RP1: variants seen among roughly 807,000 people sequenced by gnomAD.
The protein encoded by RP1 is oxygen-regulated protein 1.
A neutral mutation model predicts 14.8 loss-of-function variants in RP1; 16 were observed. The observed-to-expected ratio is 1.08, with a 90% CI of 0.73 to 1.65. The LOEUF is 1.65. Ranked by LOEUF, RP1 falls within the 40% of genes most tolerant of loss-of-function variation. The pLI, the probability that RP1 is intolerant of heterozygous loss-of-function variation, is 0.00. For synonymous variants in RP1, 876 were observed against 883.6 expected (o/e 0.99, Z 0.15); for missense variants, 2,631 against 2,535.0 (o/e 1.04, Z -0.81).
chr8:54,754,104 CCACCAA>C (rs1809440745), intron 19 of RP1, among the ~76,000 whole-genome samples: 1 of 152,064 alleles, frequency 6.6e-6, no homozygotes, highest in Non-Finnish European at 1.5e-5. Context: ...TGTGGAACAG[CCACCAA>C]AGGGGCTGAC....
chr8:54,627,743 T>G lies in RP1; in HGVS notation c.3861T>G (p.Gly1287=). The G allele has an allele frequency of 6.2e-7, 1 of 1,614,168 alleles. No homozygotes were observed. The highest frequency in any genetic ancestry group is 8.5e-7 in the Non-Finnish European group (1 of 1,179,982). ...CTTTTTTTCCTAGTGATGGTTATGGTGTGGATCAGACTTCTATGAATAAGG... is the reference window on the plus strand; with the variant it reads ...CTTTTTTTCCTAGTGATGGTTATGGGGTGGATCAGACTTCTATGAATAAGG... ...SDTFFPSDGY[G]VDQTSMNKAC... Residue 1287 remains glycine, a synonymous_variant, in exon 4 of 4, where the codon GGT becomes GGG. Coordinates refer to ENST00000220676, the MANE Select transcript of RP1 (RefSeq NM_006269.2).
intron 5 of RP1, chr8:54,655,963 C>T (rs1373564755): frequency 4.8e-6 from 3 of 627,004 alleles, no homozygotes; most frequent in Non-Finnish European, 5.0e-6. Flanking sequence ...GTCAAATTAT[C>T]AACAGTTTCT....
chr8:54,701,432 T>TA, intron 13 of RP1: 3 of 1,455,090 alleles, frequency 2.1e-6, no homozygotes, highest in Admixed American at 2.7e-5. Context: ...GTGATTACAT[T>TA]AAATTTTTTT....
At chr8:54,673,198 C>T (rs1374515481) in intron 7 of RP1, among the ~76,000 whole-genome samples, 4 of 151,784 alleles carry the variant, frequency 2.6e-5, no homozygotes, top group African/African-American at 7.3e-5. Context: ...TTTCACTTAG[C>T]GATATTTGAG....
intron 24 of RP1, among the ~76,000 whole-genome samples, chr8:54,792,667 C>G (rs2129385188): frequency 6.6e-6 from 1 of 151,842 alleles, no homozygotes; most frequent in Admixed American, 6.6e-5. Flanking sequence ...ATACAACATA[C>G]CAAAACTTAT....
intron 12 of RP1, among the ~76,000 whole-genome samples, chr8:54,690,668 A>G (rs1807689848): frequency 1.3e-5 from 2 of 152,000 alleles, no homozygotes; most frequent in Non-Finnish European, 1.5e-5. Context: ...TGGGATGTAT[A>G]CTGTAACTCT....
chr8:54,828,520 G>A (rs6984055), intron 24 of RP1, among the ~76,000 whole-genome samples: 46,422 of 151,876 alleles, frequency 0.31, 7,286 homozygotes, highest in South Asian at 0.37. Context: ...GCCAGGAGTA[G>A]AAGCTTCCTG....
In RP1 at chr8:54,621,331, G is replaced by C. The variant is rs747854154; in HGVS notation, c.365G>C (p.Arg122Pro). The change falls in exon 2 of 4, where the codon CGG (arginine) becomes CCG (proline). Residue 122 changes from arginine (R) to proline (P), a missense_variant. Physicochemically the swap from Arg to Pro is moderately radical, Grantham distance 103. Transcript: ENST00000220676. ...VQPVDLDKAR[R>P]RPRPWLSSRA... is the part of the protein sequence containing the mutation. ...CCTGTAGACCTGGACAAAGCCCGTC[G>C]GCGCCCGCGGCCCTGGCTCAGCAGC... 6.0e-5 allele frequency: 97 copies of C among 1,611,724 alleles called. No individual in the cohort carries two copies. Among genetic ancestry groups the C allele is most frequent in the Non-Finnish European group, 8.0e-5 (94 of 1,178,960 alleles).
At chr8:54,810,576 T>G (rs1219063153) in intron 24 of RP1, among the ~76,000 whole-genome samples, 1 of 152,232 alleles carries the variant, frequency 6.6e-6, no homozygotes, top group African/African-American at 2.4e-5. Context: ...AAATTGACTG[T>G]TAACTATTGT....
At chr8:54,831,855 T>C (rs1359387438) in intron 24 of RP1, among the ~76,000 whole-genome samples, 1 of 151,794 alleles carries the variant, frequency 6.6e-6, no homozygotes, top group African/African-American at 2.4e-5. Context: ...GTTATAAATT[T>C]TCTTAGCTTT....
chr8:54,768,025 G>A (rs552604473), intron 22 of RP1, among the ~76,000 whole-genome samples: 6 of 152,292 alleles, frequency 3.9e-5, no homozygotes, highest in Admixed American at 3.3e-4. Flanking sequence ...GTGTGGTGAC[G>A]TCAGTCCTAC....
In RP1 at chr8:54,621,195, C is replaced by T; in HGVS notation, c.229C>T (p.Pro77Ser). The T allele has an allele frequency of 6.2e-7, 1 of 1,614,146 alleles. No individual in the cohort carries two copies. Among genetic ancestry groups the T allele is most frequent in the Non-Finnish European group, 8.5e-7 (1 of 1,180,008 alleles). ...LDNLSRKVPL[P>S]FGVRNISTPR... ...TAACTTGTCCAGGAAGGTGCCCCTC[C>T]CTTTTGGAGTGAGGAACATCAGCAC... The change falls in exon 2 of 4, where the codon CCT becomes TCT. Residue 77 changes from proline to serine, a missense_variant. Pro to Ser is a moderately conservative substitution (Grantham distance 74). Transcript: ENST00000220676.
intron 23 of RP1, among the ~76,000 whole-genome samples, chr8:54,775,897 G>A (rs1190953702): frequency 1.3e-5 from 2 of 152,172 alleles, no homozygotes; most frequent in African/African-American, 2.4e-5. Flanking sequence ...TTTGAACCTA[G>A]TAGATTGCTT....
At chr8:54,804,823 G>C (rs1194169102) in intron 24 of RP1, among the ~76,000 whole-genome samples, 1 of 152,162 alleles carries the variant, frequency 6.6e-6, no homozygotes, top group Non-Finnish European at 1.5e-5. Flanking sequence ...GACAGATCAA[G>C]TGTTCCAAAA....
chr8:54,596,905 A>G lies in RP1; in HGVS notation c.-12-24050A>G, dbSNP rs532368084. Among the ~76,000 whole-genome samples, 22 of 151,970 alleles carry G rather than the reference A, an allele frequency of 1.4e-4. No homozygotes were observed. The East Asian group carries it at 4.1e-3, about 28-fold the overall frequency. ...CTTCCTTTCTATTCCTATTCTCATT[A>G]CTCTAAGTCAAGCCCTTATGAACTC... On this transcript the variant is annotated intron_variant, in intron 1 of 22. Coordinates refer to the RP1 transcript ENST00000636932.
intron 3 of RP1, among the ~76,000 whole-genome samples, chr8:54,647,520 T>C (rs1806574200): frequency 6.6e-6 from 1 of 152,314 alleles, no homozygotes; most frequent in African/African-American, 2.4e-5. Flanking sequence ...ATTTTAATGA[T>C]AAAAATGGCA....
chr8:54,671,547 T>G lies in RP1; in HGVS notation c.1324-2303T>G, dbSNP rs572286058. Among the ~76,000 whole-genome samples the G allele has an allele frequency of 2.6e-5, 4 of 152,252 alleles. No individual in the cohort carries two copies. The South Asian group carries it at 8.3e-4, about 32-fold the overall frequency. On this transcript the variant is annotated intron_variant, in intron 7 of 22. Coordinates refer to the RP1 transcript ENST00000636932. ...TCACCCTTTTATTTTGTTGCTCCTG[T>G]CTTGATGATTTCAAGTGAACTGCTT...
chr8:54,791,754 A>G (rs1810470830), intron 24 of RP1, among the ~76,000 whole-genome samples: 1 of 152,098 alleles, frequency 6.6e-6, no homozygotes, highest in Non-Finnish European at 1.5e-5. Context: ...AAGAATACCA[A>G]CACAAAAGTC....
At chr8:54,779,133 G>A (rs1810118465) in intron 23 of RP1, among the ~76,000 whole-genome samples, 2 of 152,170 alleles carry the variant, frequency 1.3e-5, no homozygotes, top group South Asian at 4.2e-4. Flanking sequence ...TTCACAAACA[G>A]GGCTCTTGGT....
Sources: gnomAD v4.1 joint callset for allele counts (sites outside exome capture counted in the v4.1 genomes callset) on GRCh38, gnomAD v4.1.1 for gene constraint, MANE v1.5 for transcripts, NCBI Gene and HGNC (gene_info 2026-07-23, HGNC 2026-07-21) for gene names.